ENOX1: variants seen among roughly 807,000 people sequenced by gnomAD.
The protein encoded by ENOX1 is candidate growth-related and time keeping constitutive hydroquinone (NADH) oxidase.
Under a neutral mutation model 82.5 loss-of-function variants are expected in ENOX1, and 42 were observed. That is an observed-to-expected ratio of 0.51 (90% CI 0.40 to 0.66). The LOEUF (loss-of-function observed/expected upper bound fraction) is 0.66, where lower values mean the gene tolerates loss of function less well. Ranked by LOEUF, ENOX1 falls within the 30% of genes least tolerant of loss-of-function variation. The pLI is 0.00. For missense variants in ENOX1, 608 were observed against 811.6 expected (o/e 0.75, Z 3.05); for synonymous variants, 271 against 282.2 (o/e 0.96, Z 0.40).
At position 43,786,261 on chromosome 13, in the gene ENOX1, A is replaced by G. The variant is rs1952609655; in HGVS notation, c.-285+391T>C. Among the ~76,000 whole-genome samples the G allele has an allele frequency of 6.6e-6, 1 of 151,858 alleles. No homozygotes were observed. The highest frequency in any genetic ancestry group is 1.5e-5 in the Non-Finnish European group (1 of 67,932). ...TGGGCAGGAACGGGTCCCGGGGGCG[A>G]CGCCCGCAGGGGGAGACGGGTGCGG... is the stretch of plus-strand genomic sequence containing the variant. On this transcript the variant is annotated intron_variant, in intron 1 of 16. Transcript: ENST00000690772. The surrounding 1 kb of genome is among the most constrained non-coding windows in gnomAD (Gnocchi z 6.0).
intron 2 of ENOX1, among the ~76,000 whole-genome samples, chr13:43,653,977 G>T (rs2153779214): frequency 6.6e-6 from 1 of 152,322 alleles, no homozygotes; most frequent in East Asian, 1.9e-4. Flanking sequence ...AGCTGACTCT[G>T]CTCTTTCCAC....
Position 43,214,130 on chromosome 13 carries a change from A to C in ENOX1, c.1801-9T>G. 6.2e-7 allele frequency: 1 copy of C among 1,611,378 alleles called. No homozygotes were observed. Among genetic ancestry groups the C allele is most frequent in the Non-Finnish European group, 8.5e-7 (1 of 1,178,494 alleles). ...ATTTCATTTGCAGATATCTGTTAGA[A>C]AGGAAGGAAAGTCACTTTGGGGAAA... On this transcript the variant is annotated splice_polypyrimidine_tract_variant and intron_variant, in intron 16 of 16. Coordinates refer to ENST00000690772, the MANE Select transcript of ENOX1 (RefSeq NM_001347969.2).
At chr13:43,672,170 G>A (rs556062352) in intron 1 of ENOX1, among the ~76,000 whole-genome samples, 38 of 152,156 alleles carry the variant, frequency 2.5e-4, no homozygotes, top group African/African-American at 8.9e-4. Context: ...TTTAACAAAC[G>A]CCCTGCACTT....
chr13:43,389,230 T>C (rs1339039762), intron 5 of ENOX1, among the ~76,000 whole-genome samples: 17 of 152,090 alleles, frequency 1.1e-4, no homozygotes, highest in Admixed American at 1.1e-3. Context: ...CTTAAAGAAA[T>C]AGTCCAAATG....
chr13:43,701,061 G>A (rs1207675135), intron 1 of ENOX1, among the ~76,000 whole-genome samples: 1 of 151,936 alleles, frequency 6.6e-6, no homozygotes, highest in Non-Finnish European at 1.5e-5. Context: ...TTCAATACTG[G>A]AGGTACAAAA....
intron 2 of ENOX1, among the ~76,000 whole-genome samples, chr13:43,499,935 T>C (rs2076923415): frequency 1.3e-5 from 2 of 151,988 alleles, no homozygotes; most frequent in African/African-American, 4.8e-5. Flanking sequence ...GCAGTTATTA[T>C]GACTGAACTA....
At chr13:43,543,212 G>C (rs1441116750) in intron 2 of ENOX1, among the ~76,000 whole-genome samples, 1 of 152,040 alleles carries the variant, frequency 6.6e-6, no homozygotes, top group South Asian at 2.1e-4. Context: ...GCTTCTCCTG[G>C]GGTTGAGTGG....
chr13:43,470,734 G>C (rs902949282), intron 3 of ENOX1, among the ~76,000 whole-genome samples: 1 of 151,628 alleles, frequency 6.6e-6, no homozygotes, highest in Non-Finnish European at 1.5e-5. Context: ...ACTTTACAGA[G>C]AAAATTATAT....
At chr13:43,566,103 A>G (rs1448294339) in intron 2 of ENOX1, among the ~76,000 whole-genome samples, 1 of 152,202 alleles carries the variant, frequency 6.6e-6, no homozygotes, top group Non-Finnish European at 1.5e-5. Flanking sequence ...AGTTTCAACT[A>G]AATGTTTTTG....
chr13:43,650,747 A>T (rs917795089), intron 2 of ENOX1, among the ~76,000 whole-genome samples: 2 of 152,216 alleles, frequency 1.3e-5, no homozygotes, highest in Admixed American at 6.5e-5. Flanking sequence ...CTGAGGCAGG[A>T]GAATTGCTTG....
At chr13:43,739,877 C>A (rs1240279289) in intron 1 of ENOX1, among the ~76,000 whole-genome samples, 1 of 152,110 alleles carries the variant, frequency 6.6e-6, no homozygotes, top group Non-Finnish European at 1.5e-5. Context: ...TCAACCTCTC[C>A]TCAGCCTACT....
chr13:43,408,902 G>A (rs574526501), intron 5 of ENOX1, among the ~76,000 whole-genome samples: 1 of 151,764 alleles, frequency 6.6e-6, no homozygotes, highest in South Asian at 2.1e-4. Flanking sequence ...ATGGAATAAA[G>A]AACTCATAAA....
In ENOX1 at chr13:43,753,300, C is replaced by T. The variant is rs1463318276; in HGVS notation, c.-285+33352G>A. Among the ~76,000 whole-genome samples the T allele has an allele frequency of 2.0e-5, 3 of 152,142 alleles. No individual in the cohort carries two copies. The East Asian group carries it at 5.8e-4, about 29-fold the overall frequency. On this transcript the variant is annotated intron_variant, in intron 1 of 16. Coordinates refer to ENST00000690772, the MANE Select transcript of ENOX1 (RefSeq NM_001347969.2). ...CAATATTGAGACTTTTTATCAAATA[C>T]AAGCTTTAACTCTCTAACAATTTAG...
intron 12 of ENOX1, among the ~76,000 whole-genome samples, chr13:43,294,183 G>T (rs1355055732): frequency 3.3e-5 from 5 of 152,020 alleles, no homozygotes; most frequent in Admixed American, 6.5e-5. Flanking sequence ...CAAAAGCATC[G>T]GCTTATTTAG....
At chr13:43,535,340 T>G (rs763140290) in intron 2 of ENOX1, among the ~76,000 whole-genome samples, 2 of 152,228 alleles carry the variant, frequency 1.3e-5, no homozygotes, top group Admixed American at 1.3e-4. Context: ...AACACCTAGC[T>G]GAGCAAAAAC....
chr13:43,553,968 C>T (rs2153701195), intron 2 of ENOX1, among the ~76,000 whole-genome samples: 1 of 152,104 alleles, frequency 6.6e-6, no homozygotes, highest in Non-Finnish European at 1.5e-5. Context: ...AGGCTGGTCT[C>T]GAACACCTGA....
chr13:43,391,837 A>T (rs1348446437), intron 5 of ENOX1, among the ~76,000 whole-genome samples: 1 of 152,186 alleles, frequency 6.6e-6, no homozygotes, highest in East Asian at 1.9e-4. Context: ...CATTAAATTC[A>T]ATCATAGAAT....
At chr13:43,712,847 G>A (rs1469081953) in intron 1 of ENOX1, among the ~76,000 whole-genome samples, 4 of 151,266 alleles carry the variant, frequency 2.6e-5, no homozygotes, top group Admixed American at 6.6e-5. Context: ...AAACAATCAT[G>A]TCATCTGCAA....
intron 1 of ENOX1, among the ~76,000 whole-genome samples, chr13:43,761,076 C>A (rs1950941997): frequency 6.6e-6 from 1 of 152,088 alleles, no homozygotes; most frequent in Non-Finnish European, 1.5e-5. Flanking sequence ...CACCAAGATT[C>A]TAAGTGAGCT....
Sources: gnomAD v4.1 joint callset for allele counts (sites outside exome capture counted in the v4.1 genomes callset) on GRCh38, gnomAD v4.1.1 for gene constraint, Gnocchi (gnomAD v3.1) non-coding constraint, MANE v1.5 for transcripts, NCBI Gene and HGNC (gene_info 2026-07-23, HGNC 2026-07-21) for gene names.